FNDC3B: variants seen among roughly 807,000 people sequenced by gnomAD.
FNDC3B encodes fibronectin type III domain-containing protein 3B.
Under a neutral mutation model 151.5 loss-of-function variants are expected in FNDC3B, and 12 were observed. The observed-to-expected ratio is 0.08, with a 90% CI of 0.05 to 0.13. FNDC3B has a LOEUF of 0.13. Among genes scored for constraint, FNDC3B ranks in the 10% least tolerant of loss-of-function variants. The probability of loss-of-function intolerance (pLI) is 1.00; values close to 1 mark genes in which losing one functional copy is unlikely to be tolerated. For synonymous variants in FNDC3B, 528 were observed against 549.0 expected (o/e 0.96, Z 0.54); for missense variants, 1,214 against 1,505.3 (o/e 0.81, Z 3.20).
At chr3:172,255,031 T>G (rs1171855401) in intron 6 of FNDC3B, among the ~76,000 whole-genome samples, 3 of 152,206 alleles carry the variant, frequency 2.0e-5, no homozygotes, top group Non-Finnish European at 4.4e-5. Context: ...TCTCTCATCT[T>G]TAGGACTCCT....
intron 23 of FNDC3B, among the ~76,000 whole-genome samples, chr3:172,364,126 T>C (rs1047055976): frequency 6.6e-5 from 10 of 152,224 alleles, no homozygotes; most frequent in Non-Finnish European, 1.5e-4. Context: ...TAAATTCATA[T>C]CCACTGATAC....
intron 4 of FNDC3B, among the ~76,000 whole-genome samples, chr3:172,239,054 T>TTA (rs1491450418): frequency 3.8e-5 from 3 of 79,668 alleles, no homozygotes; most frequent in African/African-American, 1.4e-4. Context: ...AATTAATTTA[T>TTA]TTTTTTTTTT....
At chr3:172,043,925 AC>A (rs1255345990) in intron 1 of FNDC3B, among the ~76,000 whole-genome samples, 11 of 152,372 alleles carry the variant, frequency 7.2e-5, no homozygotes, top group African/African-American at 2.6e-4. Context: ...GCTGAAAAAA[AC>A]GATCCTCTCA....
intron 2 of FNDC3B, among the ~76,000 whole-genome samples, chr3:172,116,637 C>T (rs1183441070): frequency 6.6e-6 from 1 of 152,150 alleles, no homozygotes; most frequent in African/African-American, 2.4e-5. Flanking sequence ...ACGATCTCTG[C>T]TCACTGCAAC....
chr3:172,366,616 AGTCTG>A (rs937711069), intron 23 of FNDC3B, among the ~76,000 whole-genome samples: 10 of 152,236 alleles, frequency 6.6e-5, no homozygotes, highest in Admixed American at 2.0e-4. Flanking sequence ...AGGAACTCAC[AGTCTG>A]GTGGGTAATG....
At chr3:172,186,021 A>G (rs1724157848) in intron 3 of FNDC3B, among the ~76,000 whole-genome samples, 2 of 152,242 alleles carry the variant, frequency 1.3e-5, no homozygotes, top group Admixed American at 1.3e-4. Flanking sequence ...AGATGGTTAT[A>G]GATCTTACAA....
At chr3:172,324,846 A>G (rs573147390) in intron 11 of FNDC3B, among the ~76,000 whole-genome samples, 1 of 152,300 alleles carries the variant, frequency 6.6e-6, no homozygotes, top group African/African-American at 2.4e-5. Flanking sequence ...TATCTTTTCC[A>G]TACCCCGCTG....
At chr3:172,368,071 G>A (rs909167936) in intron 23 of FNDC3B, among the ~76,000 whole-genome samples, 2 of 152,064 alleles carry the variant, frequency 1.3e-5, no homozygotes, top group East Asian at 1.9e-4. Flanking sequence ...AAAAATGGTC[G>A]GGAACCTGAG....
At chr3:172,071,599 AAG>A (rs1717774450) in intron 1 of FNDC3B, among the ~76,000 whole-genome samples, 1 of 152,186 alleles carries the variant, frequency 6.6e-6, no homozygotes, top group African/African-American at 2.4e-5. Context: ...ATTCTCTGTG[AAG>A]AGTCTTATGA....
chr3:172,161,121 T>C (rs567646730), intron 3 of FNDC3B, among the ~76,000 whole-genome samples: 74 of 152,378 alleles, frequency 4.9e-4, no homozygotes, highest in Middle Eastern at 6.8e-3. Flanking sequence ...TTAACTGTTA[T>C]ATAGAACTGT....
intron 1 of FNDC3B, among the ~76,000 whole-genome samples, chr3:172,050,728 TG>T (rs1251403926): frequency 8.6e-5 from 13 of 150,544 alleles, no homozygotes; most frequent in Admixed American, 3.3e-4. Flanking sequence ...TGTGTGTGTG[TG>T]TGTGTATAGT....
chr3:172,151,849 C>T (rs1182638953), intron 3 of FNDC3B, among the ~76,000 whole-genome samples: 3 of 152,112 alleles, frequency 2.0e-5, no homozygotes, highest in African/African-American at 4.8e-5. Context: ...AACGGTTATG[C>T]GTTATTTCAC....
In FNDC3B at chr3:172,399,431, A is replaced by G. The variant is rs191834441; in HGVS notation, c.*1956A>G. ...CATTATCAGTGATTGAAACGTTTACATGTACCCAAAAACCATAATCATCTC... is the reference window on the plus strand; with the variant it reads ...CATTATCAGTGATTGAAACGTTTACGTGTACCCAAAAACCATAATCATCTC... On this transcript the variant is annotated 3_prime_UTR_variant, in exon 26 of 26. Transcript: ENST00000415807. 14 of 152,770 alleles carry G rather than the reference A, an allele frequency of 9.2e-5. No individual in the cohort carries two copies. Among genetic ancestry groups the G allele is most frequent in the African/African-American group, 3.1e-4 (13 of 41,596 alleles). The allele number at this position is 152,770 out of a possible 1,614,324, so 9.5% of individuals were successfully genotyped here. A position where few individuals can be genotyped will look rare whatever the true frequency, so the allele number is the denominator to read the frequency against.
chr3:172,349,727 C>T (rs1733769262), intron 21 of FNDC3B, among the ~76,000 whole-genome samples: 1 of 152,108 alleles, frequency 6.6e-6, no homozygotes, highest in African/African-American at 2.4e-5. Context: ...GCGATCTTGG[C>T]TCACTGCAAC....
chr3:172,178,653 C>T lies in FNDC3B; in HGVS notation c.187+45107C>T, dbSNP rs568025294. ...AGCTGGACACATGTGGACACTCAGC[C>T]GGGGCATCCCTGGGACCCCACATTC... is the stretch of plus-strand genomic sequence containing the variant. On this transcript the variant is annotated intron_variant, in intron 3 of 25. Transcript: ENST00000415807. 6.6e-5 allele frequency among the ~76,000 whole-genome samples: 10 copies of T among 152,260 alleles called. No homozygotes were observed. In the East Asian group the frequency reaches 1.2e-3, roughly 18 times the overall value.
At chr3:172,215,504 A>G (rs910503376) in intron 3 of FNDC3B, among the ~76,000 whole-genome samples, 3 of 152,204 alleles carry the variant, frequency 2.0e-5, no homozygotes, top group African/African-American at 4.8e-5. Context: ...TGAGTGGATC[A>G]CCTGAGGTCA....
intron 9 of FNDC3B, among the ~76,000 whole-genome samples, chr3:172,306,572 T>TA (rs1274374653): frequency 3.3e-5 from 5 of 152,190 alleles, no homozygotes; most frequent in South Asian, 2.1e-4. Context: ...ATTCCCAGTA[T>TA]AAAAAATGGA....
At position 172,394,106 on chromosome 3, in the gene FNDC3B, T is replaced by TAAAAAAAAAAAAAAAAAAAAAAAAAAAA. The variant is rs60559371; in HGVS notation, c.3304-3055_3304-3028dup. On this transcript the variant is annotated intron_variant, in intron 25 of 25. Transcript: ENST00000415807. ...CTGGGTGACAGAGTGAGACTCCTTC[T>TAAAAAAAAAAAAAAAAAAAAAAAAAAAA]AAAAAAAAAAAAAAAAAAAAAAAAA... is the stretch of plus-strand genomic sequence containing the variant. 4.2e-4 allele frequency among the ~76,000 whole-genome samples: 7 copies of TAAAAAAAAAAAAAAAAAAAAAAAAAAAA among 16,644 alleles called. 2 individuals carry two copies. Among genetic ancestry groups the TAAAAAAAAAAAAAAAAAAAAAAAAAAAA allele is most frequent in the Non-Finnish European group, 6.8e-4 (6 of 8,874 alleles). 10.9% of individuals were successfully genotyped at this position (16,644 alleles called of 152,430 possible).
At chr3:172,162,039 T>C (rs1414555623) in intron 3 of FNDC3B, among the ~76,000 whole-genome samples, 1 of 151,034 alleles carries the variant, frequency 6.6e-6, no homozygotes, top group East Asian at 1.9e-4. Flanking sequence ...GGCAGTGGTG[T>C]GATCTCGGCT....
Sources: allele counts gnomAD v4.1 joint callset (sites outside exome capture counted in the v4.1 genomes callset), GRCh38; gene constraint gnomAD v4.1.1; transcripts MANE v1.5; gene names NCBI Gene and HGNC (gene_info 2026-07-23, HGNC 2026-07-21).